Variants in MAMDC2 observed in about 807,000 individuals in gnomAD.
MAMDC2 encodes the protein MAM domain-containing protein 2.
MAMDC2 carries 57 observed loss-of-function variants against 89.8 expected under a neutral mutation model. The observed-to-expected ratio is 0.63, with a 90% CI of 0.51 to 0.79. The LOEUF (loss-of-function observed/expected upper bound fraction) is 0.79, where lower values mean the gene tolerates loss of function less well. Ranked by LOEUF, MAMDC2 falls within the 30% of genes least tolerant of loss-of-function variation. The pLI is 0.00. For missense variants in MAMDC2, 800 were observed against 820.6 expected, an observed-to-expected ratio of 0.97 and a Z score of 0.31; for synonymous variants, 313 against 293.4, an observed-to-expected ratio of 1.07 and a Z score of -0.68.
At chr9:70,218,714 C>A (rs2033497453) in intron 12 of MAMDC2, 118 bp downstream of exon 12, 1 of 1,161,080 alleles carries the variant, frequency 8.6e-7, no homozygotes, top group Non-Finnish European at 1.2e-6. Flanking sequence ...TAGACAAAGG[C>A]AGGATTAAGA....
At chr9:70,222,923 G>C (rs1472370934) in intron 12 of MAMDC2, among the ~76,000 whole-genome samples, 3 of 152,122 alleles carry the variant, frequency 2.0e-5, no homozygotes, top group African/African-American at 7.2e-5. Flanking sequence ...GGGATTTCTT[G>C]AGCCCAGGAG....
intron 11 of MAMDC2, among the ~76,000 whole-genome samples, chr9:70,212,371 C>A (rs2033371760): frequency 6.6e-6 from 1 of 152,236 alleles, no homozygotes; most frequent in South Asian, 2.1e-4. Flanking sequence ...GCAGTTCAAT[C>A]TCAGACTGCC....
intron 11 of MAMDC2, among the ~76,000 whole-genome samples, chr9:70,185,057 G>T (rs2032722269): frequency 6.6e-6 from 1 of 152,104 alleles, no homozygotes; most frequent in Non-Finnish European, 1.5e-5. Context: ...TTTTGGATGG[G>T]GATTTTGTGT....
chr9:70,074,770 G>C (rs1314056790), intron 2 of MAMDC2, among the ~76,000 whole-genome samples: 1 of 152,230 alleles, frequency 6.6e-6, no homozygotes, highest in Admixed American at 6.5e-5. Context: ...GGTCAAGAGA[G>C]AGATCCTGGA....
chr9:70,144,692 G>A (rs1377845183), intron 9 of MAMDC2, among the ~76,000 whole-genome samples: 1 of 152,202 alleles, frequency 6.6e-6, no homozygotes, highest in Non-Finnish European at 1.5e-5. Context: ...AGGAAGGAAG[G>A]AATGAATGAA....
At chr9:70,182,996 A>G (rs959161661) in intron 11 of MAMDC2, among the ~76,000 whole-genome samples, 3 of 152,018 alleles carry the variant, frequency 2.0e-5, no homozygotes, top group African/African-American at 4.8e-5. Flanking sequence ...AGTGCTATAC[A>G]TTTCCCTCTA....
chr9:70,058,267 A>AT (rs1278528713), intron 2 of MAMDC2, among the ~76,000 whole-genome samples: 2 of 152,250 alleles, frequency 1.3e-5, no homozygotes, highest in East Asian at 1.9e-4. Context: ...GGGATTTAGA[A>AT]TTTTTTTAAC....
Position 70,143,536 on chromosome 9 carries a change from G to A in MAMDC2, c.1139-18G>A. ...TTAGATTATTTTGCATTGCTGATAT[G>A]CTTTATCTTCTTTGCAGGGTATTAC... On this transcript the variant is annotated intron_variant, in intron 8 of 13. Transcript: ENST00000377182. The A allele has an allele frequency of 1.9e-6, 3 of 1,612,394 alleles. No individual in the cohort carries two copies. The highest frequency in any genetic ancestry group is 1.7e-6 in the Non-Finnish European group (2 of 1,179,066).
intron 11 of MAMDC2, among the ~76,000 whole-genome samples, chr9:70,185,538 G>A (rs746218735): frequency 1.3e-5 from 2 of 152,168 alleles, no homozygotes; most frequent in Non-Finnish European, 2.9e-5. Context: ...AGGGAGATGG[G>A]AATTTTATCT....
intron 12 of MAMDC2, among the ~76,000 whole-genome samples, chr9:70,220,675 G>A (rs972666188): frequency 6.6e-6 from 1 of 152,204 alleles, no homozygotes; most frequent in African/African-American, 2.4e-5. Context: ...GGCTGAATGA[G>A]AACCAGATCT....
chr9:70,072,384 C>G (rs1384289530), intron 2 of MAMDC2, among the ~76,000 whole-genome samples: 1 of 152,198 alleles, frequency 6.6e-6, no homozygotes, highest in Non-Finnish European at 1.5e-5. Flanking sequence ...CTTCTTTCCT[C>G]AAGGTAAGAA....
At chr9:70,172,879 TCAGGA>T (rs1489811215) in intron 11 of MAMDC2, 1 of 152,804 alleles carries the variant, frequency 6.5e-6, no homozygotes. Flanking sequence ...TGGAAAGATA[TCAGGA>T]TGTTAAAAAT....
intron 11 of MAMDC2, chr9:70,194,406 G>A (rs1029950591): frequency 2.6e-5 from 4 of 152,066 alleles, no homozygotes; most frequent in Admixed American, 6.6e-5. Flanking sequence ...TGAGGTCTTT[G>A]TAAAAGAGGT....
chr9:70,184,882 A>G (rs1267462816), intron 11 of MAMDC2, among the ~76,000 whole-genome samples: 6 of 152,164 alleles, frequency 3.9e-5, no homozygotes, highest in African/African-American at 1.4e-4. Flanking sequence ...ACTTTTGTCA[A>G]TTTGTCAAAC....
At chr9:70,109,459 G>C (rs3015214) in intron 3 of MAMDC2, 12,390 of 395,834 alleles carry the variant, frequency 0.031, 1,171 homozygotes, top group African/African-American at 0.21. Context: ...AGCTGACTCT[G>C]AGCTTCTATC....
intron 9 of MAMDC2, among the ~76,000 whole-genome samples, chr9:70,151,195 T>A (rs890834513): frequency 3.3e-5 from 5 of 152,246 alleles, no homozygotes; most frequent in Non-Finnish European, 7.3e-5. Context: ...CCAGGTCAAG[T>A]GCTTCCTCTC....
In MAMDC2 at chr9:70,215,330, C is replaced by A. The variant is rs79061137; in HGVS notation, c.1652-3007C>A. On this transcript the variant is annotated intron_variant, in intron 11 of 13. Coordinates refer to ENST00000377182, the MANE Select transcript of MAMDC2 (RefSeq NM_153267.5). ...GTAATGAGGATGTCACTGGTGAGCA[C>A]TGCAGAACACTGACAGGTTTTTTTG... 6.8e-3 allele frequency among the ~76,000 whole-genome samples: 1,034 copies of A among 152,330 alleles called. 33 individuals are homozygous for A. The highest frequency in any genetic ancestry group is 0.053 in the Admixed American group (811 of 15,306).
intron 9 of MAMDC2, chr9:70,157,391 C>T (rs2031799070): frequency 6.6e-6 from 1 of 152,168 alleles, no homozygotes; most frequent in Non-Finnish European, 1.5e-5. Context: ...TTAATAAAGA[C>T]TCTCTAATTT....
chr9:70,187,336 T>G (rs1305092050), intron 11 of MAMDC2, among the ~76,000 whole-genome samples: 1 of 151,972 alleles, frequency 6.6e-6, no homozygotes, highest in Non-Finnish European at 1.5e-5. Flanking sequence ...ATTAAAAAAT[T>G]TTTTTTGAAT....
Sources: gnomAD v4.1 joint callset for allele counts (sites outside exome capture counted in the v4.1 genomes callset) on GRCh38, gnomAD v4.1.1 for gene constraint, MANE v1.5 for transcripts, NCBI Gene and HGNC (gene_info 2026-07-23, HGNC 2026-07-21) for gene names.